USP19: variants seen among roughly 807,000 people sequenced by gnomAD.
USP19 encodes ubiquitin carboxyl-terminal hydrolase 19.
A neutral mutation model predicts 144.8 loss-of-function variants in USP19; 40 were observed. That is an observed-to-expected ratio of 0.28 (90% CI 0.21 to 0.36). The LOEUF (loss-of-function observed/expected upper bound fraction) is 0.36. Among genes scored for constraint, USP19 ranks in the 10% least tolerant of loss-of-function variants. The pLI is 1.00. For synonymous variants in USP19, 701 were observed against 709.3 expected, an observed-to-expected ratio of 0.99 and a Z score of 0.19; for missense variants, 1,518 against 1,822.5, an observed-to-expected ratio of 0.83 and a Z score of 3.04.
rs929599489 is a variant in USP19, at chr3:49,116,998, C to T, written c.910-55G>A. ...AGCCCTGGGTCTGCCAGGTGGCTCC[C>T]ACTCCAGTGCACACCCTTTCCCCCC... On this transcript the variant is annotated intron_variant, in intron 6 of 26. Transcript: ENST00000417901. This position sits in a 1 kb window ranked among gnomAD's most constrained non-coding sequence, Gnocchi z 5.0. The T allele has an allele frequency of 7.0e-6, 11 of 1,568,206 alleles. No homozygotes were observed. Among genetic ancestry groups the T allele is most frequent in the African/African-American group, 1.4e-5 (1 of 73,994 alleles).
Position 49,116,266 on chromosome 3 carries a change from C to T in USP19, c.1355+14G>A, listed in dbSNP as rs780279497. The T allele has an allele frequency of 2.2e-5, 36 of 1,613,496 alleles. No homozygotes were observed. The highest frequency in any genetic ancestry group is 1.7e-4 in the Middle Eastern group (1 of 6,060). On this transcript the variant is annotated intron_variant, in intron 9 of 26. Transcript: ENST00000417901. This position sits in a 1 kb window ranked among gnomAD's most constrained non-coding sequence, Gnocchi z 5.0. The stretch of plus-strand genomic sequence containing the variant: ...GGTAGGACAGGCACAGTGGTGGGGC[C>T]GGGCACCACCCACCTGAGCTTCACC...
Position 49,112,780 on chromosome 3 carries a change from T to A in USP19, c.2506-151A>T. The A allele has an allele frequency of 8.8e-7, 1 of 1,140,798 alleles. No individual in the cohort carries two copies. The highest frequency in any genetic ancestry group is 1.2e-6 in the Non-Finnish European group (1 of 830,270). 70.7% of individuals were successfully genotyped at this position (1,140,798 alleles called of 1,614,324 possible). ...ATAGGCTTATGCCTCTGCTGGCACC[T>A]GTCTCAGTGCCCAATGCCATAAGGA... On this transcript the variant is annotated intron_variant, in intron 17 of 26. Coordinates refer to ENST00000417901, the MANE Select transcript of USP19 (RefSeq NM_001199161.2). The surrounding 1 kb of genome is among the most constrained non-coding windows in gnomAD (Gnocchi z 4.9).
Position 49,114,738 on chromosome 3 carries a change from C to G in USP19, c.2292+25G>C, listed in dbSNP as rs2043800051. On this transcript the variant is annotated intron_variant, in intron 15 of 26. Transcript: ENST00000417901. The surrounding 1 kb of genome is among the most constrained non-coding windows in gnomAD (Gnocchi z 4.5). ...GAATAGCTGAGCTGAACTAGGGGGT[C>G]TCTTTCCAGGGGAGCCCATCACACC... 6.2e-7 allele frequency: 1 copy of G among 1,612,116 alleles called. No homozygotes were observed. The highest frequency in any genetic ancestry group is 8.5e-7 in the Non-Finnish European group (1 of 1,178,328).
rs780934599 is a variant in USP19, at chr3:49,115,690, C to G, written c.1692+34G>C. 12 of 1,606,026 alleles carry G rather than the reference C, an allele frequency of 7.5e-6. No homozygotes were observed. Among genetic ancestry groups the G allele is most frequent in the Non-Finnish European group, 3.4e-6 (4 of 1,173,680 alleles). On this transcript the variant is annotated intron_variant, in intron 11 of 26. Transcript: ENST00000417901. This position sits in a 1 kb window ranked among gnomAD's most constrained non-coding sequence, Gnocchi z 6.6. ...GAACAGCCCCAAGACTCTCCAGCCT[C>G]CATTCTTCGTCCTTCCCACCCCAGA...
At position 49,112,248 on chromosome 3, in the gene USP19, G is replaced by A; in HGVS notation, c.2765+36C>T. 6.3e-7 allele frequency: 1 copy of A among 1,579,618 alleles called. No individual in the cohort carries two copies. Among genetic ancestry groups the A allele is most frequent in the African/African-American group, 1.3e-5 (1 of 74,136 alleles). On this transcript the variant is annotated intron_variant, in intron 19 of 26. Transcript: ENST00000417901. This position sits in a 1 kb window ranked among gnomAD's most constrained non-coding sequence, Gnocchi z 4.9. ...GGAGCAGGGTGGCACATGGAAGGTG[G>A]AAAGAAAGGGTAGGGGAGACCATGG...
rs2043644710 is a variant in USP19, at chr3:49,113,981, G to A, written c.2505+11C>T. 1 of 1,613,778 alleles carries A rather than the reference G, an allele frequency of 6.2e-7. No individual in the cohort carries two copies. The highest frequency in any genetic ancestry group is 2.2e-5 in the East Asian group (1 of 44,882). On this transcript the variant is annotated intron_variant, in intron 17 of 26. Coordinates refer to ENST00000417901, the MANE Select transcript of USP19 (RefSeq NM_001199161.2). ...CCACACATGTGATAGCCCAAGGAAGGACAAAGATACCTCCGCCAAACGCAG... is the reference window on the plus strand; with the variant it reads ...CCACACATGTGATAGCCCAAGGAAGAACAAAGATACCTCCGCCAAACGCAG...
rs1439637550 is a variant in USP19, at chr3:49,116,640, G to A, written c.1127-33C>T. 63 of 1,613,458 alleles carry A rather than the reference G, an allele frequency of 3.9e-5. No homozygotes were observed. The highest frequency in any genetic ancestry group is 5.3e-5 in the Non-Finnish European group (63 of 1,179,730). On this transcript the variant is annotated intron_variant, in intron 7 of 26. Transcript: ENST00000417901. The surrounding 1 kb of genome is among the most constrained non-coding windows in gnomAD (Gnocchi z 5.0). ...GAGACCATGGCTCAGCCCCAACCAG[G>A]ACAGGTTCCAGCCTATTGCTACTCT...
rs2043063254 is a variant in USP19 at position 49,110,988 on chromosome 3, G to A, written c.3507C>T (p.Leu1169=). 1 of 1,613,912 alleles carries A rather than the reference G, an allele frequency of 6.2e-7. No homozygotes were observed. Among genetic ancestry groups the A allele is most frequent in the South Asian group, 1.1e-5 (1 of 91,088 alleles). ...GTGCCAGCACCTCAGGCCGTGTGAAGAGGTTGAGGCACTGGTCCAGGGTGA... is the reference window on the plus strand; with the variant it reads ...GTGCCAGCACCTCAGGCCGTGTGAAAAGGTTGAGGCACTGGTCCAGGGTGA... ...GHFTLDQCLN[L]FTRPEVLAPE... The change falls in exon 23 of 27, where the codon CTC becomes CTT. Residue 1169 remains leucine (L), a synonymous_variant. Transcript: ENST00000417901. The surrounding 1 kb of genome is among the most constrained non-coding windows in gnomAD (Gnocchi z 6.1).
In USP19 at chr3:49,117,981, T is replaced by C; in HGVS notation, c.264A>G (p.Ser88=). 2 of 1,610,300 alleles carry C rather than the reference T, an allele frequency of 1.2e-6. No individual in the cohort carries two copies. Among genetic ancestry groups the C allele is most frequent in the Non-Finnish European group, 8.5e-7 (1 of 1,179,114 alleles). The stretch of plus-strand genomic sequence containing the variant: ...TCTGCTCCTCTTGAGGAGTGGATGC[T>C]GACCCTGACGATGAAGGAAAGAACA... ...TRLFFPSSSG[S]ASTPQEEQTK... Residue 88 remains serine (S), a synonymous_variant, in exon 3 of 27, where the codon TCA becomes TCG. Coordinates refer to ENST00000417901, the MANE Select transcript of USP19 (RefSeq NM_001199161.2). This position sits in a 1 kb window ranked among gnomAD's most constrained non-coding sequence, Gnocchi z 4.4.
At position 49,115,707 on chromosome 3, in the gene USP19, C is replaced by T. The variant is rs762371690; in HGVS notation, c.1692+17G>A. 39 of 1,607,442 alleles carry T rather than the reference C, an allele frequency of 2.4e-5. 1 individual carries two copies. The South Asian group carries it at 4.0e-4, about 16-fold the overall frequency. On this transcript the variant is annotated intron_variant, in intron 11 of 26. Transcript: ENST00000417901. The surrounding 1 kb of genome is among the most constrained non-coding windows in gnomAD (Gnocchi z 6.6). Reference sequence around the variant, plus strand: ...TCCAGCCTCCATTCTTCGTCCTTCCCACCCCAGAATTCTCACCGAGGCCAG... The same window carrying T: ...TCCAGCCTCCATTCTTCGTCCTTCCTACCCCAGAATTCTCACCGAGGCCAG...
Position 49,119,061 on chromosome 3 carries a change from G to T in USP19, c.85C>A (p.Arg29=). The change falls in exon 2 of 27, where the codon CGA becomes AGA. Residue 29 remains arginine, a synonymous_variant. Transcript: ENST00000417901. The part of the protein sequence containing the change: ...DTTSKKKQKD[R]ANQESKDGDP... ...CCATCCTTGCTCTCCTGGTTTGCTC[G>T]ATCCTTCTGCTTCTTCTTACTAGTG... 1.2e-6 allele frequency: 2 copies of T among 1,614,182 alleles called. No individual in the cohort carries two copies. Among genetic ancestry groups the T allele is most frequent in the Non-Finnish European group, 1.7e-6 (2 of 1,180,040 alleles).
chr3:49,111,813 C>G lies in USP19; in HGVS notation c.2904G>C (p.Arg968=). 6.4e-7 allele frequency: 1 copy of G among 1,571,000 alleles called. No individual in the cohort carries two copies. Among genetic ancestry groups the G allele is most frequent in the Non-Finnish European group, 8.6e-7 (1 of 1,156,758 alleles). Residue 968 remains arginine, a splice_region_variant and synonymous_variant, in exon 21 of 27, where the codon CGG becomes CGC. Transcript: ENST00000417901. This position sits in a 1 kb window ranked among gnomAD's most constrained non-coding sequence, Gnocchi z 5.9. ...RLAQLLEGYA[R]YSVSVFQPPF... is the part of the protein sequence containing the mutation. ...GTGGCTGGAATACACTCACAGAGTA[C>G]CTGGCAACAGAGAACAACGCAAGTA...
At position 49,117,400 on chromosome 3, in the gene USP19, T is replaced by C. The variant is rs769034244; in HGVS notation, c.606+37A>G. The C allele has an allele frequency of 1.2e-6, 2 of 1,611,252 alleles. No homozygotes were observed. Among genetic ancestry groups the C allele is most frequent in the Admixed American group, 1.7e-5 (1 of 59,960 alleles). ...AGCAGTCAGGCCCTGTCGACTACAC[T>C]GGTATCCCTACCCAACCCTGTACTA... On this transcript the variant is annotated intron_variant, in intron 5 of 26. Transcript: ENST00000417901. The surrounding 1 kb of genome is among the most constrained non-coding windows in gnomAD (Gnocchi z 4.4).
rs747410452 is a variant in USP19, at chr3:49,111,532, A to C, written c.3185T>G (p.Leu1062Trp). Residue 1062 changes from leucine (L) to tryptophan (W), a missense_variant, in exon 21 of 27, where the codon TTG becomes TGG. Physicochemically the swap from Leu to Trp is moderately conservative, Grantham distance 61 (BLOSUM62 -2). This residue lies in a region of USP19 where 413 missense variants were observed against 515.8 expected (regional missense o/e 0.80). Transcript: ENST00000417901. The surrounding 1 kb of genome is among the most constrained non-coding windows in gnomAD (Gnocchi z 5.9). ...LASGPIEVGS[L>W]PAGERVSRPE... ...TCGGGACACCCTCTCGCCAGCTGGC[A>C]AGGAGCCAACCTCAATGGGCCCACT... 1.2e-6 allele frequency: 2 copies of C among 1,612,324 alleles called. No individual in the cohort carries two copies. The highest frequency in any genetic ancestry group is 2.2e-5 in the South Asian group (2 of 91,068).
chr3:49,109,060 A>T, intron 26 of USP19: 1 of 1,611,632 alleles, frequency 6.2e-7, no homozygotes, highest in Non-Finnish European at 8.5e-7. Context: ...GGCAGCCCTC[A>T]TCTGGTGTGG....
rs2043724228 is a variant in USP19 at position 49,114,359 on chromosome 3, T to C, written c.2293-75A>G. 1 of 1,438,462 alleles carries C rather than the reference T, an allele frequency of 7.0e-7. No homozygotes were observed. Among genetic ancestry groups the C allele is most frequent in the Admixed American group, 1.9e-5 (1 of 53,202 alleles). The allele number at this position is 1,438,462 out of a possible 1,614,324, so 89.1% of individuals were successfully genotyped here. On this transcript the variant is annotated intron_variant, in intron 15 of 26. Transcript: ENST00000417901. This position sits in a 1 kb window ranked among gnomAD's most constrained non-coding sequence, Gnocchi z 4.5. Reference sequence around the variant, plus strand: ...AGATGCTCATGCTCAGAGAGCCCATTCCGGGGCTTCTGATGGCTCTCAGGG... The same window carrying C: ...AGATGCTCATGCTCAGAGAGCCCATCCCGGGGCTTCTGATGGCTCTCAGGG...
Position 49,108,885 on chromosome 3 carries a change from T to A in USP19, c.4039-357A>T. 6.6e-7 allele frequency: 1 copy of A among 1,522,254 alleles called. No individual in the cohort carries two copies. Among genetic ancestry groups the A allele is most frequent in the Non-Finnish European group, 8.8e-7 (1 of 1,135,522 alleles). 94.3% of individuals were successfully genotyped at this position (1,522,254 alleles called of 1,614,324 possible). ...GCTGAGGCCCAAAGCCCAGAGGTGT[T>A]CCCCACAACAAAGGCAGGCATGGCC... is the stretch of plus-strand genomic sequence containing the variant. On this transcript the variant is annotated intron_variant, in intron 26 of 26. Transcript: ENST00000417901. The surrounding 1 kb of genome is among the most constrained non-coding windows in gnomAD (Gnocchi z 4.8).
rs1257233541 is a variant in USP19 at position 49,118,113 on chromosome 3, C to A, written c.132G>T (p.Gly44=). The A allele has an allele frequency of 7.8e-7, 1 of 1,287,182 alleles. No individual in the cohort carries two copies. Among genetic ancestry groups the A allele is most frequent in the Non-Finnish European group, 1.1e-6 (1 of 924,206 alleles). The allele number at this position is 1,287,182 out of a possible 1,614,324, so 79.7% of individuals were successfully genotyped here. ...GACCAGCCTGGGCAACATATCGAGA[C>A]CCTGTCTCTAAAAAAAAAATAAGAA... ...SKDGDPRKET[G]SRYVAQAGLE... Residue 44 remains glycine, a synonymous_variant, in exon 3 of 27, where the codon GGG becomes GGT. Transcript: ENST00000417901.
In USP19 at chr3:49,115,644, A is replaced by G. The variant is rs779101407; in HGVS notation, c.1693-5T>C. 3.7e-6 allele frequency: 6 copies of G among 1,607,660 alleles called. No individual in the cohort carries two copies. In the East Asian group the frequency reaches 1.3e-4, roughly 36 times the overall value. ...CACCATGCATGTAGGCTTGGGCTGC[A>G]GGAGCAAAGACGACATGAGAGAACA... On this transcript the variant is annotated splice_region_variant and splice_polypyrimidine_tract_variant and intron_variant, in intron 11 of 26. Coordinates refer to ENST00000417901, the MANE Select transcript of USP19 (RefSeq NM_001199161.2). The surrounding 1 kb of genome is among the most constrained non-coding windows in gnomAD (Gnocchi z 6.6).
Sources: gnomAD v4.1 joint callset for allele counts on GRCh38, gnomAD v4.1.1 for gene constraint, gnomAD v4.1.1 regional missense constraint, Gnocchi (gnomAD v3.1) non-coding constraint, MANE v1.5 for transcripts, NCBI Gene and HGNC (gene_info 2026-07-23, HGNC 2026-07-21) for gene names.